Variants in PTPRZ1 observed in about 807,000 individuals in gnomAD.
The protein encoded by PTPRZ1 is receptor-type tyrosine-protein phosphatase zeta.
Under a neutral mutation model 214.1 loss-of-function variants are expected in PTPRZ1, and 82 were observed. The observed-to-expected ratio is 0.38, with a 90% CI of 0.32 to 0.46. The LOEUF is 0.46. Among genes scored for constraint, PTPRZ1 ranks in the 20% least tolerant of loss-of-function variants. The pLI is 1.00. For synonymous variants in PTPRZ1, 945 were observed against 987.9 expected (o/e 0.96, Z 0.81); for missense variants, 2,603 against 2,748.7 (o/e 0.95, Z 1.19).
intron 1 of PTPRZ1, among the ~76,000 whole-genome samples, chr7:121,875,874 A>G (rs1794043481): frequency 6.6e-6 from 1 of 152,138 alleles, no homozygotes; most frequent in Admixed American, 6.5e-5. Flanking sequence ...GGATGCGTTT[A>G]CCCCTCATCT....
intron 1 of PTPRZ1, among the ~76,000 whole-genome samples, chr7:121,883,557 A>G (rs139392817): frequency 6.6e-6 from 1 of 152,322 alleles, no homozygotes; most frequent in Admixed American, 6.5e-5. Flanking sequence ...TTATATAAAA[A>G]TAGTGTAATG....
chr7:122,047,608 G>A (rs1173412759), intron 23 of PTPRZ1, among the ~76,000 whole-genome samples: 2 of 151,372 alleles, frequency 1.3e-5, no homozygotes, highest in African/African-American at 4.9e-5. Flanking sequence ...AGGTGGGTGT[G>A]TGTGAGTGTG....
chr7:121,994,002 ATAAC>A (rs1382312116), intron 8 of PTPRZ1, among the ~76,000 whole-genome samples: 2 of 152,214 alleles, frequency 1.3e-5, no homozygotes, highest in African/African-American at 2.4e-5. Flanking sequence ...TATTAAACAA[ATAAC>A]TAACAAACTC....
At chr7:121,908,648 A>G (rs1584626732) in intron 1 of PTPRZ1, 1 of 434,854 alleles carries the variant, frequency 2.3e-6, no homozygotes, top group Admixed American at 3.2e-5. Context: ...TCAAGTAAGC[A>G]GCTTTTAAAA....
intron 8 of PTPRZ1, among the ~76,000 whole-genome samples, chr7:121,986,989 G>C (rs556859466): frequency 2.6e-5 from 4 of 152,118 alleles, no homozygotes; most frequent in African/African-American, 9.6e-5. Context: ...ACAAAACTCA[G>C]CATCTCATCA....
At position 121,873,282 on chromosome 7, in the gene PTPRZ1, T is replaced by C; in HGVS notation, c.-218T>C. ...TTTCTCCAGATTATTCCTCTCTCGC[T>C]GTCTCTGACTGTCTCTCTCTGTCTC... On this transcript the variant is annotated 5_prime_UTR_variant, in exon 1 of 30. Coordinates refer to ENST00000393386, the MANE Select transcript of PTPRZ1 (RefSeq NM_002851.3). 2 of 490,678 alleles carry C rather than the reference T, an allele frequency of 4.1e-6. No individual in the cohort carries two copies. Among genetic ancestry groups the C allele is most frequent in the East Asian group, 3.2e-5 (1 of 31,582 alleles). 30.4% of individuals were successfully genotyped at this position (490,678 alleles called of 1,614,324 possible). A position where few individuals can be genotyped will look rare whatever the true frequency, so the allele number is the denominator to read the frequency against.
chr7:121,951,951 A>ATTTTTTTTTTTTTT (rs1273271925), intron 2 of PTPRZ1, among the ~76,000 whole-genome samples: 1 of 50,506 alleles, frequency 2.0e-5, no homozygotes. Flanking sequence ...ATGCGAGTGT[A>ATTTTTTTTTTTTTT]TTTATTTATT....
chr7:121,898,038 G>A (rs914367813), intron 1 of PTPRZ1, among the ~76,000 whole-genome samples: 1 of 152,042 alleles, frequency 6.6e-6, no homozygotes, highest in Non-Finnish European at 1.5e-5. Context: ...CCTACCAAAT[G>A]TAGAATGTAC....
rs919832289 is a variant in PTPRZ1 at position 122,039,361 on chromosome 7, C to T, written c.5503-93C>T. ...TTTAGAAGAGTGAAGGAGTCCATTC[C>T]TGTCACCATCTCAGACCTTTACTGA... On this transcript the variant is annotated intron_variant, in intron 19 of 29. Coordinates refer to ENST00000393386, the MANE Select transcript of PTPRZ1 (RefSeq NM_002851.3). The T allele has an allele frequency of 8.1e-6, 11 of 1,357,434 alleles. No homozygotes were observed. In the African/African-American group the frequency reaches 1.5e-4, roughly 18 times the overall value. 84.1% of individuals were successfully genotyped at this position (1,357,434 alleles called of 1,614,324 possible).
intron 18 of PTPRZ1, among the ~76,000 whole-genome samples, chr7:122,038,446 A>G (rs972518206): frequency 1.3e-5 from 2 of 151,312 alleles, no homozygotes; most frequent in Non-Finnish European, 3.0e-5. Flanking sequence ...CCGCAAATGG[A>G]TTAAATACAC....
intron 1 of PTPRZ1, among the ~76,000 whole-genome samples, chr7:121,875,785 G>A (rs1055576932): frequency 1.3e-5 from 2 of 152,174 alleles, no homozygotes; most frequent in African/African-American, 4.8e-5. Flanking sequence ...TTTTGAAAAA[G>A]TGAGGCACAT....
chr7:121,962,129 A>G (rs1035937328), intron 2 of PTPRZ1, among the ~76,000 whole-genome samples: 4 of 152,164 alleles, frequency 2.6e-5, no homozygotes, highest in Admixed American at 6.5e-5. Flanking sequence ...TTGCCACATT[A>G]AACATATTAA....
intron 2 of PTPRZ1, among the ~76,000 whole-genome samples, chr7:121,934,487 CAAAAAAAAAAAAAAAA>C (rs529475632): frequency 9.1e-4 from 70 of 77,054 alleles, no homozygotes; most frequent in Non-Finnish European, 1.3e-3. Context: ...GACTCCGTCT[CAAAAAAAAAAAAAAAA>C]AAAAAAAAAG....
chr7:121,959,359 G>A (rs1343084011), intron 2 of PTPRZ1, among the ~76,000 whole-genome samples: 1 of 152,132 alleles, frequency 6.6e-6, no homozygotes, highest in Non-Finnish European at 1.5e-5. Context: ...CATTTGATCT[G>A]CCTTTATTTC....
chr7:122,048,352 A>G (rs1441824302), intron 23 of PTPRZ1, among the ~76,000 whole-genome samples: 2 of 152,146 alleles, frequency 1.3e-5, no homozygotes, highest in Non-Finnish European at 2.9e-5. Flanking sequence ...AGTAAATAAT[A>G]TTGAGATTAA....
chr7:121,914,326 C>A (rs1055747336), intron 1 of PTPRZ1, among the ~76,000 whole-genome samples: 1 of 152,020 alleles, frequency 6.6e-6, no homozygotes, highest in East Asian at 1.9e-4. Flanking sequence ...GTAGAAGTAA[C>A]GTTTTAGCAT....
rs1584780201 is a variant in PTPRZ1, at chr7:122,051,790, G to A, written c.6179-76G>A. 5.3e-6 allele frequency: 7 copies of A among 1,326,462 alleles called. No homozygotes were observed. In the East Asian group the frequency reaches 1.4e-4, roughly 27 times the overall value. 82.2% of individuals were successfully genotyped at this position (1,326,462 alleles called of 1,614,324 possible). ...TTACATCTGGCATGGGGAAAAGATGGTACAGTGCTGTGAGCATGAGTTGTT... is the reference window on the plus strand; with the variant it reads ...TTACATCTGGCATGGGGAAAAGATGATACAGTGCTGTGAGCATGAGTTGTT... On this transcript the variant is annotated intron_variant, in intron 24 of 29. Transcript: ENST00000393386.
chr7:121,934,705 G>A (rs3779378), intron 2 of PTPRZ1, among the ~76,000 whole-genome samples: 45,161 of 151,950 alleles, frequency 0.3, 6,922 homozygotes, highest in South Asian at 0.37. Flanking sequence ...GGGCCCATCC[G>A]ATAATCTCAC....
intron 14 of PTPRZ1, 92 bp downstream of exon 14, chr7:122,028,735 A>G (rs1799282802): frequency 2.1e-6 from 2 of 948,278 alleles, no homozygotes; most frequent in Middle Eastern, 2.2e-4. Flanking sequence ...ACACTATGCA[A>G]ATTGCTATAA....
Sources: gnomAD v4.1 joint callset for allele counts (sites outside exome capture counted in the v4.1 genomes callset) on GRCh38, gnomAD v4.1.1 for gene constraint, MANE v1.5 for transcripts, NCBI Gene and HGNC (gene_info 2026-07-23, HGNC 2026-07-21) for gene names.